SUCLG2: variants seen among roughly 807,000 people sequenced by gnomAD.
SUCLG2 encodes succinate--CoA ligase [GDP-forming] subunit beta, mitochondrial.
A neutral mutation model predicts 47.9 loss-of-function variants in SUCLG2; 42 were observed. The ratio of observed to expected loss-of-function variants is 0.88; its 90% confidence interval spans 0.69 to 1.14. The LOEUF (loss-of-function observed/expected upper bound fraction) is 1.14. Ranked by LOEUF, SUCLG2 falls within the 50% of genes most tolerant of loss-of-function variation. The probability of loss-of-function intolerance (pLI) is 0.00; values close to 1 mark genes in which losing one functional copy is unlikely to be tolerated. For synonymous variants in SUCLG2, 195 were observed against 197.3 expected (o/e 0.99, Z 0.10); for missense variants, 571 against 525.9 (o/e 1.09, Z -0.84).
At chr3:67,395,819 G>C (rs1274061312) in intron 10 of SUCLG2, among the ~76,000 whole-genome samples, 1 of 152,078 alleles carries the variant, frequency 6.6e-6, no homozygotes, top group Non-Finnish European at 1.5e-5. Context: ...ATAACAAACT[G>C]TCTCTCAGAC....
intron 9 of SUCLG2, among the ~76,000 whole-genome samples, chr3:67,437,562 T>C (rs761061484): frequency 2.4e-4 from 36 of 152,172 alleles, no homozygotes; most frequent in Admixed American, 4.6e-4. Flanking sequence ...ACAGATGTTC[T>C]CATCCATAAT....
chr3:67,542,603 G>C (rs1706749012), intron 2 of SUCLG2, among the ~76,000 whole-genome samples: 1 of 152,046 alleles, frequency 6.6e-6, no homozygotes. Flanking sequence ...GTGCAAATAG[G>C]CTCAAAATAA....
intron 7 of SUCLG2, among the ~76,000 whole-genome samples, chr3:67,505,913 G>A (rs993586833): frequency 1.1e-4 from 17 of 152,054 alleles, no homozygotes; most frequent in Admixed American, 3.9e-4. Flanking sequence ...AGTGAGCTGA[G>A]GCTGTACCAC....
chr3:67,453,807 C>G (rs1704115070), intron 9 of SUCLG2, among the ~76,000 whole-genome samples: 1 of 152,190 alleles, frequency 6.6e-6, no homozygotes, highest in Non-Finnish European at 1.5e-5. Context: ...ACTGTGTTCA[C>G]TGGTCACATG....
At chr3:67,480,301 G>A (rs1704879827) in intron 9 of SUCLG2, among the ~76,000 whole-genome samples, 1 of 152,186 alleles carries the variant, frequency 6.6e-6, no homozygotes, top group Non-Finnish European at 1.5e-5. Flanking sequence ...TAGAGCTGTA[G>A]TAGACATTCT....
intron 9 of SUCLG2, among the ~76,000 whole-genome samples, chr3:67,434,960 A>T (rs1703580020): frequency 6.6e-6 from 1 of 152,224 alleles, no homozygotes; most frequent in Non-Finnish European, 1.5e-5. Context: ...GTAACTAATG[A>T]TAATTAAATA....
chr3:67,375,341 T>C lies in SUCLG2; in HGVS notation c.*403A>G. On this transcript the variant is annotated 3_prime_UTR_variant, in exon 11 of 11. Transcript: ENST00000307227. ...AATTAATATATTAAATATAATCTTGTCTGAGTTTTTAAATGGTCTGTTTTT... is the reference window on the plus strand; with the variant it reads ...AATTAATATATTAAATATAATCTTGCCTGAGTTTTTAAATGGTCTGTTTTT... The C allele has an allele frequency of 4.1e-6, 4 of 980,618 alleles. No homozygotes were observed. The South Asian group carries it at 1.9e-4, about 46-fold the overall frequency. 60.7% of individuals were successfully genotyped at this position (980,618 alleles called of 1,614,324 possible). A position where few individuals can be genotyped will look rare whatever the true frequency, so the allele number is the denominator to read the frequency against.
At position 67,654,511 on chromosome 3, in the gene SUCLG2, C is replaced by G. The variant is rs1343521231; in HGVS notation, c.76G>C (p.Gly26Arg). 13 of 1,242,202 alleles carry G rather than the reference C, an allele frequency of 1.0e-5. No homozygotes were observed. Among genetic ancestry groups the G allele is most frequent in the Middle Eastern group, 3.0e-4 (1 of 3,354 alleles). 76.9% of individuals were successfully genotyped at this position (1,242,202 alleles called of 1,614,324 possible). ...LALRPRFLAA[G>R]SQAVQLTSRR... Reference sequence around the variant, plus strand: ...CCTGCCCCCACGCTCACCTGGGACCCGGCCGCCAGGAAGCGGGGCCGCAGC... The same window carrying G: ...CCTGCCCCCACGCTCACCTGGGACCGGGCCGCCAGGAAGCGGGGCCGCAGC... Residue 26 changes from glycine (G) to arginine (R), a missense_variant, in exon 1 of 11, where the codon GGG becomes CGG. Coordinates refer to ENST00000307227, the MANE Select transcript of SUCLG2 (RefSeq NM_003848.4).
intron 10 of SUCLG2, among the ~76,000 whole-genome samples, chr3:67,385,733 C>T (rs1430652536): frequency 1.3e-5 from 2 of 152,208 alleles, no homozygotes; most frequent in Admixed American, 1.3e-4. Context: ...GTGCATCCTC[C>T]AACTACTTCT....
chr3:67,605,937 G>A (rs1423190189), intron 2 of SUCLG2, among the ~76,000 whole-genome samples: 2 of 151,998 alleles, frequency 1.3e-5, no homozygotes, highest in East Asian at 3.9e-4. Flanking sequence ...ATACAGCCAG[G>A]TGCAATGGCT....
At chr3:67,607,874 CCTTT>C (rs1294507834) in intron 2 of SUCLG2, among the ~76,000 whole-genome samples, 8 of 152,310 alleles carry the variant, frequency 5.3e-5, no homozygotes, top group African/African-American at 1.4e-4. Flanking sequence ...CTTTGCTCTT[CCTTT>C]GTCTTCCACT....
chr3:67,634,793 G>A (rs566367183), intron 1 of SUCLG2, among the ~76,000 whole-genome samples: 2 of 152,212 alleles, frequency 1.3e-5, no homozygotes, highest in African/African-American at 4.8e-5. Flanking sequence ...TCTTCCTCAG[G>A]AATCTGCTGA....
In SUCLG2 at chr3:67,443,319, G is replaced by C; in HGVS notation, c.1063-42468C>G. ...GGAGGATGGAGTTCAGCGGGCAGCG[G>C]AGCTGTCTCAGTCTTTGCCGCCGCG... On this transcript the variant is annotated intron_variant, in intron 9 of 10. Coordinates refer to ENST00000307227, the MANE Select transcript of SUCLG2 (RefSeq NM_003848.4). Among the ~76,000 whole-genome samples, 2 of 21,870 alleles carry C rather than the reference G, an allele frequency of 9.1e-5. 1 individual carries two copies. Among genetic ancestry groups the C allele is most frequent in the East Asian group, 3.2e-3 (2 of 624 alleles). 14.3% of individuals were successfully genotyped at this position (21,870 alleles called of 152,430 possible). A position where few individuals can be genotyped will look rare whatever the true frequency, so the allele number is the denominator to read the frequency against.
intron 9 of SUCLG2, among the ~76,000 whole-genome samples, chr3:67,423,661 T>G (rs1297052824): frequency 6.6e-6 from 1 of 152,182 alleles, no homozygotes; most frequent in African/African-American, 2.4e-5. Flanking sequence ...TCTTACCCCC[T>G]GCTCTACAAG....
At chr3:67,597,835 G>A (rs1708328135) in intron 2 of SUCLG2, among the ~76,000 whole-genome samples, 1 of 151,862 alleles carries the variant, frequency 6.6e-6, no homozygotes, top group South Asian at 2.1e-4. Flanking sequence ...CTACCCCGGA[G>A]GCTGAGGGAG....
chr3:67,400,808 C>A lies in SUCLG2; in HGVS notation c.1106G>T (p.Cys369Phe), dbSNP rs375028356. Residue 369 changes from cysteine (C) to phenylalanine (F), a missense_variant, in exon 10 of 11, where the codon TGT becomes TTT. Cys to Phe is a radical substitution (Grantham distance 205). Coordinates refer to ENST00000307227, the MANE Select transcript of SUCLG2 (RefSeq NM_003848.4). Reference protein sequence around the residue: ...LVNIFGGIVNCAIIANGITKA... With the variant: ...LVNIFGGIVNFAIIANGITKA... Reference sequence around the variant, plus strand: ...GGTGATCCCATTGGCAATGATGGCACAGTTGACGATACCACCAAATATATT... The same window carrying A: ...GGTGATCCCATTGGCAATGATGGCAAAGTTGACGATACCACCAAATATATT... The A allele has an allele frequency of 2.3e-5, 37 of 1,612,742 alleles. No individual in the cohort carries two copies. The African/African-American group carries it at 3.7e-4, about 16-fold the overall frequency.
At position 67,453,538 on chromosome 3, in the gene SUCLG2, C is replaced by T. The variant is rs551881590; in HGVS notation, c.1062+42260G>A. The stretch of plus-strand genomic sequence containing the variant: ...AATCAACTGCTAAAGGCCCCACTTC[C>T]TAATATCATCACCTTGAGGGTTAGG... On this transcript the variant is annotated intron_variant, in intron 9 of 10. Transcript: ENST00000307227. Among the ~76,000 whole-genome samples the T allele has an allele frequency of 3.9e-5, 6 of 152,308 alleles. No individual in the cohort carries two copies. The South Asian group carries it at 1.2e-3, about 32-fold the overall frequency.
chr3:67,469,224 G>A (rs73836529), intron 9 of SUCLG2, among the ~76,000 whole-genome samples: 213 of 152,336 alleles, frequency 1.4e-3, no homozygotes, highest in African/African-American at 4.7e-3. Flanking sequence ...AGCATTTTGA[G>A]CTGTATCCCA....
intron 6 of SUCLG2, among the ~76,000 whole-genome samples, chr3:67,514,764 G>A (rs926277336): frequency 6.6e-6 from 1 of 152,158 alleles, no homozygotes; most frequent in Admixed American, 6.6e-5. Context: ...ATCCTTGGAT[G>A]GAACACAGCA....
Sources: allele counts gnomAD v4.1 joint callset (sites outside exome capture counted in the v4.1 genomes callset), GRCh38; gene constraint gnomAD v4.1.1; transcripts MANE v1.5; gene names NCBI Gene and HGNC (gene_info 2026-07-23, HGNC 2026-07-21).